Variants in DNM3 observed in about 807,000 individuals in gnomAD.
DNM3 encodes the protein dynamin 3.
DNM3 carries 47 observed loss-of-function variants against 101.6 expected under a neutral mutation model. The observed-to-expected ratio is 0.46, with a 90% confidence interval of 0.37 to 0.59. DNM3 has a LOEUF of 0.59. DNM3 is among the 20% of genes least tolerant of loss of function. The probability of loss-of-function intolerance (pLI) is 0.00; values close to 1 mark genes in which losing one functional copy is unlikely to be tolerated. For missense variants in DNM3, 849 were observed against 1,085.7 expected (o/e 0.78, Z 3.06); for synonymous variants, 385 against 387.9 (o/e 0.99, Z 0.09).
chr1:172,111,856 G>T (rs1197657233), intron 13 of DNM3, among the ~76,000 whole-genome samples: 2 of 151,246 alleles, frequency 1.3e-5, no homozygotes, highest in Non-Finnish European at 2.9e-5. Context: ...CCATTTAAGG[G>T]TTTTGCAAAG....
chr1:172,179,282 A>C (rs1422597460), intron 14 of DNM3, among the ~76,000 whole-genome samples: 1 of 151,978 alleles, frequency 6.6e-6, no homozygotes, highest in Non-Finnish European at 1.5e-5. Context: ...GTGTTATTGC[A>C]TCTTAGTTTT....
At chr1:171,858,435 C>T (rs932827903) in intron 1 of DNM3, among the ~76,000 whole-genome samples, 6 of 151,954 alleles carry the variant, frequency 3.9e-5, no homozygotes, top group South Asian at 2.1e-4. Context: ...CTTTCCTACC[C>T]GATAACCATC....
At chr1:172,354,146 A>AGAG (rs1553242910) in intron 17 of DNM3, among the ~76,000 whole-genome samples, 3 of 150,886 alleles carry the variant, frequency 2.0e-5, no homozygotes, top group Non-Finnish European at 4.4e-5. Flanking sequence ...AGAGAGAAAT[A>AGAG]AGACATTTTT....
At chr1:172,337,895 T>TATTTTATTTTA (rs1380349698) in intron 17 of DNM3, among the ~76,000 whole-genome samples, 2 of 141,090 alleles carry the variant, frequency 1.4e-5, no homozygotes, top group African/African-American at 5.3e-5. Context: ...TATTTTATTT[T>TATTTTATTTTA]ATTTTATTTT....
In DNM3 at chr1:172,058,320, G is replaced by A. The variant is rs979039784; in HGVS notation, c.1335+9570G>A. Among the ~76,000 whole-genome samples, 22 of 151,512 alleles carry A rather than the reference G, an allele frequency of 1.5e-4. 1 individual carries two copies. Among genetic ancestry groups the A allele is most frequent in the Admixed American group, 1.3e-3 (20 of 15,192 alleles). On this transcript the variant is annotated intron_variant, in intron 10 of 20. Transcript: ENST00000627582. ...AACTCAACAAGGATACCCAGGAATT[G>A]AACTCAGCTCTGCACCAAGTGGACC...
chr1:172,316,841 A>G (rs1051183260), intron 16 of DNM3, among the ~76,000 whole-genome samples: 1 of 152,120 alleles, frequency 6.6e-6, no homozygotes, highest in African/African-American at 2.4e-5. Context: ...GAGACAGAAA[A>G]TTAACAAGGA....
At chr1:172,305,587 G>A (rs1182044779) in intron 15 of DNM3, among the ~76,000 whole-genome samples, 1 of 152,094 alleles carries the variant, frequency 6.6e-6, no homozygotes, top group African/African-American at 2.4e-5. Flanking sequence ...AAAAAAAAGA[G>A]AATTTTAGAA....
At chr1:172,329,063 GTT>G (rs5778729) in intron 17 of DNM3, among the ~76,000 whole-genome samples, 16 of 151,230 alleles carry the variant, frequency 1.1e-4, no homozygotes, top group African/African-American at 3.6e-4. Context: ...AAGAATTTGT[GTT>G]TTTTTTTGTT....
intron 13 of DNM3, among the ~76,000 whole-genome samples, chr1:172,100,436 A>G (rs2054553975): frequency 6.6e-6 from 1 of 152,200 alleles, no homozygotes; most frequent in Admixed American, 6.5e-5. Flanking sequence ...CTCTGTATGT[A>G]CATGCTTTGA....
chr1:171,976,535 A>G (rs1312989546), intron 2 of DNM3, among the ~76,000 whole-genome samples: 6 of 152,184 alleles, frequency 3.9e-5, no homozygotes, highest in Admixed American at 1.3e-4. Context: ...CCATGATTCA[A>G]TTACCTCCCA....
At chr1:171,987,829 A>G in intron 3 of DNM3, 24 bp downstream of exon 3, 1 of 1,525,354 alleles carries the variant, frequency 6.6e-7, no homozygotes, top group Non-Finnish European at 8.8e-7. Flanking sequence ...TAAAATTCCA[A>G]ATTCTTCTCC....
intron 17 of DNM3, among the ~76,000 whole-genome samples, chr1:172,363,791 T>C (rs187407375): frequency 6.6e-6 from 1 of 151,974 alleles, no homozygotes; most frequent in Admixed American, 6.6e-5. Context: ...TATACTCTTC[T>C]TCTCAATATA....
intron 14 of DNM3, among the ~76,000 whole-genome samples, chr1:172,151,132 G>A (rs2058110333): frequency 1.3e-5 from 2 of 152,140 alleles, no homozygotes; most frequent in African/African-American, 2.4e-5. Flanking sequence ...TCATCTCTAT[G>A]TGAGAATTAT....
At chr1:172,370,626 T>G (rs2149035469) in intron 17 of DNM3, among the ~76,000 whole-genome samples, 1 of 152,138 alleles carries the variant, frequency 6.6e-6, no homozygotes, top group Admixed American at 6.6e-5. Flanking sequence ...TACTAATTTA[T>G]TTAATCCATA....
chr1:172,357,734 T>C (rs2067524946), intron 17 of DNM3, among the ~76,000 whole-genome samples: 1 of 152,098 alleles, frequency 6.6e-6, no homozygotes, highest in Non-Finnish European at 1.5e-5. Flanking sequence ...GGGTGAAGGA[T>C]GTACAGGAAT....
At chr1:171,898,821 T>C (rs1161033867) in intron 1 of DNM3, among the ~76,000 whole-genome samples, 1 of 152,184 alleles carries the variant, frequency 6.6e-6, no homozygotes, top group African/African-American at 2.4e-5. Context: ...TCATTCTTAA[T>C]GATTACTTAG....
chr1:171,889,060 G>A (rs921112080), intron 1 of DNM3, among the ~76,000 whole-genome samples: 3 of 152,138 alleles, frequency 2.0e-5, no homozygotes, highest in Non-Finnish European at 4.4e-5. Flanking sequence ...GCACACTGTA[G>A]CCTCAACCTG....
intron 16 of DNM3, chr1:172,309,712 G>T (rs2065000457): frequency 1.3e-5 from 2 of 152,200 alleles, no homozygotes; most frequent in Non-Finnish European, 1.5e-5. Flanking sequence ...TCCTTTTTAG[G>T]TTCAAAATAG....
chr1:172,281,507 G>A (rs2063489879), intron 15 of DNM3, among the ~76,000 whole-genome samples: 1 of 152,122 alleles, frequency 6.6e-6, no homozygotes, highest in South Asian at 2.1e-4. Flanking sequence ...CTAATAGAAG[G>A]AAACACATTT....
Sources: gnomAD v4.1 joint callset for allele counts (sites outside exome capture counted in the v4.1 genomes callset) on GRCh38, gnomAD v4.1.1 for gene constraint, MANE v1.5 for transcripts, NCBI Gene and HGNC (gene_info 2026-07-23, HGNC 2026-07-21) for gene names.